PDE2A: variants seen among roughly 807,000 people sequenced by gnomAD.
PDE2A encodes the protein cGMP-dependent 3',5'-cyclic phosphodiesterase.
Under a neutral mutation model 133.6 loss-of-function variants are expected in PDE2A, and 53 were observed. The observed-to-expected ratio is 0.40, with a 90% confidence interval of 0.32 to 0.50. The LOEUF (loss-of-function observed/expected upper bound fraction) is 0.50. PDE2A is among the 20% of genes least tolerant of loss of function. PDE2A has a pLI of 0.73. For missense variants in PDE2A, 796 were observed against 1,232.4 expected, an observed-to-expected ratio of 0.65 and a Z score of 5.30; for synonymous variants, 491 against 490.2, an observed-to-expected ratio of 1.00 and a Z score of -0.02.
At chr11:72,673,489 A>G (rs1384069943) in intron 1 of PDE2A, among the ~76,000 whole-genome samples, 1 of 151,756 alleles carries the variant, frequency 6.6e-6, no homozygotes, top group Non-Finnish European at 1.5e-5. Context: ...TCACTTGCAC[A>G]TGCACCCCCC....
At chr11:72,635,881 G>T in intron 2 of PDE2A, 2 of 741,060 alleles carry the variant, frequency 2.7e-6, no homozygotes, top group Non-Finnish European at 1.8e-6. Flanking sequence ...CTTCAGCTCT[G>T]CCTGTCTCCC....
chr11:72,628,858 G>A (rs1486706029), intron 2 of PDE2A, among the ~76,000 whole-genome samples: 10 of 152,176 alleles, frequency 6.6e-5, no homozygotes, highest in Admixed American at 5.2e-4. Flanking sequence ...TGCCCCTGTG[G>A]TCTGAGCAAT....
chr11:72,645,059 A>G (rs1859096270), intron 1 of PDE2A, among the ~76,000 whole-genome samples: 1 of 152,182 alleles, frequency 6.6e-6, no homozygotes, highest in Non-Finnish European at 1.5e-5. Flanking sequence ...CCAGCCAAGA[A>G]GTTATTTCTT....
intron 6 of PDE2A, among the ~76,000 whole-genome samples, chr11:72,595,371 C>G (rs989587643): frequency 1.3e-5 from 2 of 152,044 alleles, no homozygotes; most frequent in Non-Finnish European, 2.9e-5. Context: ...TAGGGGGAGG[C>G]GACCCCCTGA....
At chr11:72,621,635 A>C (rs544032591) in intron 2 of PDE2A, 1 of 152,416 alleles carries the variant, frequency 6.6e-6, no homozygotes, top group East Asian at 1.9e-4. Flanking sequence ...CCATATCTTC[A>C]GTGTTGCACC....
rs1365352334 is a variant in PDE2A, at chr11:72,590,231, G to T, written c.717C>A (p.Asp239Glu). The T allele has an allele frequency of 6.4e-7, 1 of 1,551,534 alleles. No individual in the cohort carries two copies. Among genetic ancestry groups the T allele is most frequent in the Non-Finnish European group, 8.7e-7 (1 of 1,146,928 alleles). Reference protein sequence around the residue: ...KILQLCGELYDLDASSLQLKV... With the variant: ...KILQLCGELYELDASSLQLKV... ...TGAGCTGCAGGGAAGAGGCATCCAG[G>T]TCGTAGAGTTCCCCTGCAAGGGCCA... The change falls in exon 9 of 31, where the codon GAC (aspartate) becomes GAA (glutamate). Residue 239 changes from aspartate to glutamate, a missense_variant. Around this residue, in one of 7 missense-constraint regions of PDE2A, gnomAD observed 417 missense variants for 475.3 expected, o/e 0.88. Transcript: ENST00000334456. The surrounding 1 kb of genome is among the most constrained non-coding windows in gnomAD (Gnocchi z 4.8).
intron 1 of PDE2A, among the ~76,000 whole-genome samples, chr11:72,657,442 T>C (rs1213010084): frequency 6.6e-6 from 1 of 152,130 alleles, no homozygotes; most frequent in Non-Finnish European, 1.5e-5. Flanking sequence ...CTCCAGTCCA[T>C]GCCAGATGCA....
At chr11:72,623,901 C>T (rs1183568578) in intron 2 of PDE2A, among the ~76,000 whole-genome samples, 1 of 152,126 alleles carries the variant, frequency 6.6e-6, no homozygotes, top group Admixed American at 6.5e-5. Flanking sequence ...GCTCTACCCA[C>T]CTTCTCTCTG....
In PDE2A at chr11:72,589,217, C is replaced by T. The variant is rs1239304436; in HGVS notation, c.897G>A (p.Val299=). The T allele has an allele frequency of 8.1e-6, 13 of 1,613,734 alleles. 1 individual carries two copies. The African/African-American group carries it at 1.5e-4, about 18-fold the overall frequency. ...GCTGGATGGACTTCTTGTCTTCCAC[C>T]ACCTGGCCCAGGCATCCTGTCAACT... ...SFPLTGCLGQ[V]VEDKKSIQLK... The change falls in exon 12 of 31, where the codon GTG becomes GTA. Residue 299 remains valine (V), a synonymous_variant. Transcript: ENST00000334456.
chr11:72,670,183 T>A (rs1053047307), intron 1 of PDE2A, among the ~76,000 whole-genome samples: 4 of 152,180 alleles, frequency 2.6e-5, no homozygotes, highest in Non-Finnish European at 5.9e-5. Context: ...CAGCCTGAAG[T>A]GGCTCTTCCT....
chr11:72,654,166 CCT>C (rs1361902627), intron 1 of PDE2A, among the ~76,000 whole-genome samples: 4 of 152,106 alleles, frequency 2.6e-5, no homozygotes, highest in Non-Finnish European at 5.9e-5. Context: ...GTGTCGGGGC[CCT>C]GAGGACCCAC....
intron 1 of PDE2A, among the ~76,000 whole-genome samples, chr11:72,654,426 G>A (rs1001046947): frequency 5.9e-5 from 9 of 152,196 alleles, no homozygotes; most frequent in African/African-American, 2.2e-4. Flanking sequence ...GGCCAGTGCA[G>A]GTGGGAGAGC....
At chr11:72,655,525 ATGTG>A (rs146709502) in intron 1 of PDE2A, among the ~76,000 whole-genome samples, 3 of 142,450 alleles carry the variant, frequency 2.1e-5, no homozygotes, top group African/African-American at 3.0e-5. Flanking sequence ...GTGTGTGTGC[ATGTG>A]TGTGTGTGTG....
At chr11:72,670,267 A>G (rs1855355404) in intron 1 of PDE2A, among the ~76,000 whole-genome samples, 1 of 152,164 alleles carries the variant, frequency 6.6e-6, no homozygotes, top group African/African-American at 2.4e-5. Context: ...AAAGACTCGG[A>G]GCTTCCATCC....
chr11:72,606,846 G>A (rs770516276), intron 3 of PDE2A, among the ~76,000 whole-genome samples: 2 of 152,204 alleles, frequency 1.3e-5, no homozygotes, highest in Non-Finnish European at 1.5e-5. Context: ...CCGCATGTCC[G>A]TATGTCTCCC....
Position 72,597,495 on chromosome 11 carries a change from G to T in PDE2A, c.433+15C>A. The T allele has an allele frequency of 6.7e-7, 1 of 1,492,990 alleles. No homozygotes were observed. The allele number at this position is 1,492,990 out of a possible 1,614,324, so 92.5% of individuals were successfully genotyped here. On this transcript the variant is annotated intron_variant, in intron 5 of 30. Coordinates refer to ENST00000334456, the MANE Select transcript of PDE2A (RefSeq NM_002599.5). The surrounding 1 kb of genome is among the most constrained non-coding windows in gnomAD (Gnocchi z 4.6). ...CTGCCCCTGCCCCTGCCCCTGCCCA[G>T]CCCCTAGCCCTTACCTTGGGTATCA...
chr11:72,644,632 A>G (rs1188234776), intron 1 of PDE2A, among the ~76,000 whole-genome samples: 1 of 152,252 alleles, frequency 6.6e-6, no homozygotes, highest in Non-Finnish European at 1.5e-5. Flanking sequence ...ACCATGGTCA[A>G]CAGCCGACCC....
intron 2 of PDE2A, among the ~76,000 whole-genome samples, chr11:72,617,337 C>T (rs999331078): frequency 6.6e-6 from 1 of 152,180 alleles, no homozygotes; most frequent in Non-Finnish European, 1.5e-5. Flanking sequence ...GGAGGCAAGC[C>T]CAGCCATGCT....
chr11:72,596,635 C>T lies in PDE2A; in HGVS notation c.447G>A (p.Pro149=), dbSNP rs956348156. ...LAPDTQVLVM[P]LADKEAGAVA... ...CGGCCCCAGCCTCCTTGTCCGCTAG[C>T]GGCATGACCAGCACTGAGGGGGAGA... Residue 149 remains proline (P), a synonymous_variant, in exon 6 of 31, where the codon CCG becomes CCA. Coordinates refer to ENST00000334456, the MANE Select transcript of PDE2A (RefSeq NM_002599.5). The T allele has an allele frequency of 1.3e-5, 20 of 1,512,384 alleles. No individual in the cohort carries two copies. In the African/African-American group the frequency reaches 1.5e-4, roughly 12 times the overall value. 93.7% of individuals were successfully genotyped at this position (1,512,384 alleles called of 1,614,324 possible). A position where few individuals can be genotyped will look rare whatever the true frequency, so the allele number is the denominator to read the frequency against.
Sources: gnomAD v4.1 joint callset for allele counts (sites outside exome capture counted in the v4.1 genomes callset) on GRCh38, gnomAD v4.1.1 for gene constraint, gnomAD v4.1.1 regional missense constraint, Gnocchi (gnomAD v3.1) non-coding constraint, MANE v1.5 for transcripts, NCBI Gene and HGNC (gene_info 2026-07-23, HGNC 2026-07-21) for gene names.